The following ADAMTSL1 variants were observed in gnomAD, a reference collection of about 807,000 sequenced individuals.
ADAMTSL1 encodes ADAMTS like 1, also known as ADAMTS-like protein 1.
In ADAMTSL1, 126 loss-of-function variants were observed where a neutral mutation model predicts 201.8. The ratio of observed to expected loss-of-function variants is 0.62; its 90% CI spans 0.54 to 0.72. ADAMTSL1 has a LOEUF of 0.72. Among genes scored for constraint, ADAMTSL1 ranks in the 30% least tolerant of loss-of-function variants. The pLI is 0.00. For synonymous variants in ADAMTSL1, 1,121 were observed against 903.4 expected, an observed-to-expected ratio of 1.24 and a Z score of -4.32; for missense variants, 2,679 against 2,277.8, an observed-to-expected ratio of 1.18 and a Z score of -3.59.
chr9:18,586,522 A>C (rs1433020338), intron 4 of ADAMTSL1, among the ~76,000 whole-genome samples: 1 of 152,184 alleles, frequency 6.6e-6, no homozygotes, highest in Non-Finnish European at 1.5e-5. Flanking sequence ...TACTGCCTAA[A>C]GCAATTTACA....
chr9:18,639,218 C>G, intron 6 of ADAMTSL1, 36 bp from the exon 7 acceptor site: 1 of 1,608,692 alleles, frequency 6.2e-7, no homozygotes, highest in South Asian at 1.1e-5. Context: ...GCCCTAGGAA[C>G]ATCTTTCTCT....
chr9:18,505,117 G>A (rs1055406692), intron 2 of ADAMTSL1, among the ~76,000 whole-genome samples, 161 bp downstream of exon 2: 3 of 152,220 alleles, frequency 2.0e-5, no homozygotes, highest in Non-Finnish European at 4.4e-5. Context: ...GTGTTCTTAC[G>A]TGTTTTTATT....
intron 23 of ADAMTSL1, among the ~76,000 whole-genome samples, chr9:18,841,731 T>C (rs1240413580): frequency 1.3e-5 from 2 of 152,230 alleles, no homozygotes; most frequent in African/African-American, 2.4e-5. Context: ...TATTGGTCTA[T>C]TCAGAGATTC....
intron 1 of ADAMTSL1, among the ~76,000 whole-genome samples, chr9:18,020,817 T>C (rs1035896140): frequency 1.4e-4 from 21 of 152,120 alleles, no homozygotes; most frequent in African/African-American, 4.8e-4. Context: ...TTGTTTGCTA[T>C]TTGATCAGCT....
At chr9:18,741,398 T>G (rs932469613) in intron 15 of ADAMTSL1, among the ~76,000 whole-genome samples, 16 of 152,200 alleles carry the variant, frequency 1.1e-4, no homozygotes, top group Non-Finnish European at 2.1e-4. Flanking sequence ...AGGCAGAATC[T>G]TATAGAAGCT....
At chr9:18,847,382 C>G (rs1826192243) in intron 23 of ADAMTSL1, among the ~76,000 whole-genome samples, 2 of 152,164 alleles carry the variant, frequency 1.3e-5, no homozygotes, top group African/African-American at 4.8e-5. Flanking sequence ...CCATTGAAGG[C>G]AGCAGAGACA....
chr9:18,276,551 C>A (rs1341628162), intron 2 of ADAMTSL1, among the ~76,000 whole-genome samples: 3 of 152,260 alleles, frequency 2.0e-5, no homozygotes. Context: ...ATACCTGAGG[C>A]TTGCTAATTT....
intron 5 of ADAMTSL1, among the ~76,000 whole-genome samples, chr9:18,633,920 GT>G (rs1195094035): frequency 2.0e-5 from 3 of 151,914 alleles, no homozygotes; most frequent in Non-Finnish European, 4.4e-5. Flanking sequence ...AAAAAAAATA[GT>G]TTTTCAATCC....
chr9:18,886,223 C>CATATACATACATACAAGT (rs902053237), intron 23 of ADAMTSL1, among the ~76,000 whole-genome samples: 1 of 104,562 alleles, frequency 9.6e-6, no homozygotes, highest in Non-Finnish European at 2.1e-5. Flanking sequence ...CACACACATA[C>CATATACATACATACAAGT]ATATACATAC....
At chr9:17,942,036 G>T (rs116597887) in intron 1 of ADAMTSL1, among the ~76,000 whole-genome samples, 1 of 152,072 alleles carries the variant, frequency 6.6e-6, no homozygotes, top group South Asian at 2.1e-4. Context: ...GGACACAAGC[G>T]TTCATTATAT....
intron 2 of ADAMTSL1, among the ~76,000 whole-genome samples, chr9:18,314,230 G>T (rs1320574762): frequency 6.6e-6 from 1 of 152,178 alleles, no homozygotes; most frequent in Admixed American, 6.5e-5. Flanking sequence ...TTTGTACACT[G>T]CTGAAGGGAA....
At chr9:18,505,022 G>C in intron 2 of ADAMTSL1, 66 bp downstream of exon 2, 4 of 1,552,424 alleles carry the variant, frequency 2.6e-6, no homozygotes, top group Admixed American at 2.2e-5. Context: ...GCATGCTTTT[G>C]TGATTGGGTT....
chr9:18,256,154 C>A (rs1831674282), intron 2 of ADAMTSL1, among the ~76,000 whole-genome samples: 1 of 152,134 alleles, frequency 6.6e-6, no homozygotes, highest in Non-Finnish European at 1.5e-5. Flanking sequence ...ACATTCTGCA[C>A]CTTTAAATTG....
chr9:18,313,389 T>C (rs1834230123), intron 2 of ADAMTSL1, among the ~76,000 whole-genome samples: 1 of 152,194 alleles, frequency 6.6e-6, no homozygotes, highest in African/African-American at 2.4e-5. Context: ...ATGATCATTA[T>C]TTCTAACAAT....
At chr9:18,145,591 T>C (rs1302341832) in intron 1 of ADAMTSL1, among the ~76,000 whole-genome samples, 13 of 152,216 alleles carry the variant, frequency 8.5e-5, no homozygotes. Flanking sequence ...CTCATATCTT[T>C]CATAAACATT....
chr9:18,515,958 T>C (rs2131999169), intron 2 of ADAMTSL1, among the ~76,000 whole-genome samples: 2 of 152,148 alleles, frequency 1.3e-5, no homozygotes, highest in South Asian at 4.1e-4. Context: ...TTGGGTAGTT[T>C]ATGCAAATTC....
intron 1 of ADAMTSL1, among the ~76,000 whole-genome samples, chr9:18,015,547 CT>C (rs879918656): frequency 2.0e-5 from 3 of 152,208 alleles, no homozygotes; most frequent in Non-Finnish European, 2.9e-5. Flanking sequence ...TACACACTCA[CT>C]TGACACGTAT....
At chr9:17,955,564 T>G (rs1294209887) in intron 1 of ADAMTSL1, among the ~76,000 whole-genome samples, 1 of 152,200 alleles carries the variant, frequency 6.6e-6, no homozygotes. Context: ...TCATATGTTT[T>G]AAATTACACC....
intron 2 of ADAMTSL1, among the ~76,000 whole-genome samples, chr9:18,344,021 T>C (rs1009065515): frequency 2.0e-5 from 3 of 152,146 alleles, no homozygotes; most frequent in African/African-American, 7.2e-5. Flanking sequence ...TACTGAATCA[T>C]CAACTTTTCC....
Sources: gnomAD v4.1 joint callset for allele counts (sites outside exome capture counted in the v4.1 genomes callset) on GRCh38, gnomAD v4.1.1 for gene constraint, MANE v1.5 for transcripts, NCBI Gene and HGNC (gene_info 2026-07-23, HGNC 2026-07-21) for gene names.